SPCS3: variants seen among roughly 807,000 people sequenced by gnomAD.
SPCS3 encodes the protein SPase 22 kDa subunit.
Under a neutral mutation model 17.2 loss-of-function variants are expected in SPCS3, and 9 were observed. That is an observed-to-expected ratio of 0.52 (90% confidence interval 0.31 to 0.91). The LOEUF (loss-of-function observed/expected upper bound fraction) is 0.91. Among genes scored for constraint, SPCS3 ranks in the 40% least tolerant of loss-of-function variants. SPCS3 has a pLI of 0.04. For synonymous variants in SPCS3, 87 were observed against 89.6 expected (o/e 0.97, Z 0.16); for missense variants, 139 against 217.5 (o/e 0.64, Z 2.27).
intron 1 of SPCS3, 57 bp downstream of exon 1, chr4:176,320,276 G>T: frequency 7.6e-7 from 1 of 1,320,410 alleles, no homozygotes; most frequent in Non-Finnish European, 9.7e-7. Flanking sequence ...GGCGGAAGCC[G>T]AAGCCGGGCC....
chr4:176,320,325 C>A, intron 1 of SPCS3, 106 bp downstream of exon 1: 2 of 1,080,062 alleles, frequency 1.9e-6, no homozygotes, highest in Non-Finnish European at 2.3e-6. Context: ...GCGGGCAGGG[C>A]GTCCGGATCG....
At chr4:176,326,675 G>T (rs1391245037) in intron 3 of SPCS3, among the ~76,000 whole-genome samples, 2 of 152,114 alleles carry the variant, frequency 1.3e-5, no homozygotes, top group Non-Finnish European at 2.9e-5. Context: ...AAATTTTCAT[G>T]ACATAATTAA....
intron 4 of SPCS3, chr4:176,327,483 A>G: frequency 2.8e-6 from 1 of 362,452 alleles, no homozygotes; most frequent in Non-Finnish European, 5.1e-6. Flanking sequence ...GAAATGTCAT[A>G]GTCAAACTAA....
chr4:176,327,365 G>C, intron 4 of SPCS3, 88 bp downstream of exon 4: 2 of 787,768 alleles, frequency 2.5e-6, no homozygotes, highest in Non-Finnish European at 3.8e-6. Context: ...AAATACTTGA[G>C]AGTAAAAGGA....
chr4:176,327,317 G>A (rs1731620680), intron 4 of SPCS3, 40 bp downstream of exon 4: 1 of 1,173,154 alleles, frequency 8.5e-7, no homozygotes, highest in Non-Finnish European at 1.2e-6. Flanking sequence ...TTAATAAGAG[G>A]TGAAAAAGAG....
intron 3 of SPCS3, among the ~76,000 whole-genome samples, chr4:176,326,488 T>C (rs1313415445): frequency 6.6e-6 from 1 of 152,224 alleles, no homozygotes; most frequent in African/African-American, 2.4e-5. Flanking sequence ...ATGGAACTTA[T>C]TTGTAATATG....
At chr4:176,327,116 A>C (rs1273414701) in intron 3 of SPCS3, 46 bp from the exon 4 acceptor site, 5 of 1,103,584 alleles carry the variant, frequency 4.5e-6, no homozygotes, top group Non-Finnish European at 6.5e-6. Context: ...AAGTGATAAG[A>C]TGGTATTTCT....
intron 2 of SPCS3, among the ~76,000 whole-genome samples, chr4:176,322,640 A>G (rs1731553569): frequency 6.6e-6 from 1 of 151,026 alleles, no homozygotes; most frequent in Admixed American, 6.6e-5. Flanking sequence ...TATAGCAGAG[A>G]GAAACATATG....
In SPCS3 at chr4:176,320,313, C is replaced by T. The variant is rs1325156073; in HGVS notation, c.143+94C>T. On this transcript the variant is annotated intron_variant, in intron 1 of 4. Coordinates refer to ENST00000503362, the MANE Select transcript of SPCS3 (RefSeq NM_021928.4). ...CCGCGCCGGGGCTGCCGTGCCGGGGCCGCGGGCAGGGCGTCCGGATCGCCC... is the reference window on the plus strand; with the variant it reads ...CCGCGCCGGGGCTGCCGTGCCGGGGTCGCGGGCAGGGCGTCCGGATCGCCC... 10 of 1,173,546 alleles carry T rather than the reference C, an allele frequency of 8.5e-6. No homozygotes were observed. The East Asian group carries it at 3.0e-4, about 35-fold the overall frequency. 72.7% of individuals were successfully genotyped at this position (1,173,546 alleles called of 1,614,324 possible).
chr4:176,320,398 C>T, intron 1 of SPCS3, 179 bp downstream of exon 1: 1 of 393,128 alleles, frequency 2.5e-6, no homozygotes, highest in Non-Finnish European at 4.1e-6. Flanking sequence ...CAGGCTTTTC[C>T]GGCGTCCCCT....
At chr4:176,322,101 C>A in intron 1 of SPCS3, 69 bp from the exon 2 acceptor site, 1 of 1,048,134 alleles carries the variant, frequency 9.5e-7, no homozygotes, top group Non-Finnish European at 1.5e-6. Context: ...TATTCTTTCT[C>A]TTTAAGAAGT....
intron 2 of SPCS3, 44 bp from the exon 3 acceptor site, chr4:176,324,137 G>A (rs1289963428): frequency 1.0e-6 from 1 of 954,022 alleles, no homozygotes; most frequent in Middle Eastern, 3.0e-4. Context: ...CTATTTAAAA[G>A]TGATATACTG....
Position 176,324,274 on chromosome 4 carries a change from A to C in SPCS3, c.294+17A>C. On this transcript the variant is annotated intron_variant, in intron 3 of 4. Transcript: ENST00000503362. ...AAAAATAATGTAAGTATATCTAATT[A>C]GAAGTATTTTAATAGCTATTTAAAG... 1 of 1,057,346 alleles carries C rather than the reference A, an allele frequency of 9.5e-7. No individual in the cohort carries two copies. The highest frequency in any genetic ancestry group is 1.7e-5 in the South Asian group (1 of 59,632). The allele number at this position is 1,057,346 out of a possible 1,614,324, so 65.5% of individuals were successfully genotyped here. A position where few individuals can be genotyped will look rare whatever the true frequency, so the allele number is the denominator to read the frequency against.
intron 3 of SPCS3, among the ~76,000 whole-genome samples, chr4:176,326,464 T>G (rs1731608826): frequency 6.6e-6 from 1 of 152,222 alleles, no homozygotes; most frequent in Non-Finnish European, 1.5e-5. Context: ...CATTTCATAC[T>G]TTTAATTTTC....
chr4:176,322,125 T>G, intron 1 of SPCS3, 45 bp from the exon 2 acceptor site: 1 of 1,254,600 alleles, frequency 8.0e-7, no homozygotes, highest in South Asian at 1.2e-5. Context: ...GTGAATTGTG[T>G]ATGTTCTGTT....
At position 176,319,984 on chromosome 4, in the gene SPCS3, C is replaced by A; in HGVS notation, c.-93C>A. On this transcript the variant is annotated 5_prime_UTR_variant, in exon 1 of 5. Transcript: ENST00000503362. Reference sequence around the variant, plus strand: ...GGCGCGCGCTCCCGGAACGCGCGCACCGCAGACGGCGCGGATCGCAGGGAG... The same window carrying A: ...GGCGCGCGCTCCCGGAACGCGCGCAACGCAGACGGCGCGGATCGCAGGGAG... 8 of 1,364,010 alleles carry A rather than the reference C, an allele frequency of 5.9e-6. No homozygotes were observed. Among genetic ancestry groups the A allele is most frequent in the South Asian group, 1.8e-5 (1 of 54,714 alleles). The allele number at this position is 1,364,010 out of a possible 1,614,324, so 84.5% of individuals were successfully genotyped here.
chr4:176,320,041 T>C lies in SPCS3; in HGVS notation c.-36T>C. ...CGCCGCCGGAACGGGAGCCTGGGTG[T>C]GCGTGTGGAGTCCGGACTCGTGGGA... On this transcript the variant is annotated 5_prime_UTR_variant, in exon 1 of 5. Coordinates refer to ENST00000503362, the MANE Select transcript of SPCS3 (RefSeq NM_021928.4). 6.7e-7 allele frequency: 1 copy of C among 1,490,702 alleles called. No individual in the cohort carries two copies. Among genetic ancestry groups the C allele is most frequent in the Non-Finnish European group, 9.0e-7 (1 of 1,108,542 alleles). 92.3% of individuals were successfully genotyped at this position (1,490,702 alleles called of 1,614,324 possible).
chr4:176,328,444 T>TG lies in SPCS3; in HGVS notation c.*114_*115insG. On this transcript the variant is annotated 3_prime_UTR_variant, in exon 5 of 5. Transcript: ENST00000503362. ...TTGTTTTTTGGTTTTGGGTTTTTTT[T>TG]TTTTTTTTTTTGGTATAAGAACTAA... The TG allele has an allele frequency of 2.8e-6, 2 of 715,836 alleles. No individual in the cohort carries two copies. Among genetic ancestry groups the TG allele is most frequent in the Non-Finnish European group, 3.8e-6 (2 of 525,540 alleles). 44.3% of individuals were successfully genotyped at this position (715,836 alleles called of 1,614,324 possible).
At chr4:176,327,654 T>G (rs1253606741) in intron 4 of SPCS3, among the ~76,000 whole-genome samples, 1 of 152,222 alleles carries the variant, frequency 6.6e-6, no homozygotes, top group East Asian at 1.9e-4. Context: ...GAAGTAGTAT[T>G]GGTTCTCCAA....
Sources: allele counts gnomAD v4.1 joint callset (sites outside exome capture counted in the v4.1 genomes callset), GRCh38; gene constraint gnomAD v4.1.1; transcripts MANE v1.5; gene names NCBI Gene and HGNC (gene_info 2026-07-23, HGNC 2026-07-21).